The following KCNAB2 variants were observed in gnomAD, a reference collection of about 807,000 sequenced individuals.
KCNAB2 encodes the protein potassium voltage-gated channel subfamily A regulatory beta subunit 2.
A neutral mutation model predicts 63.6 loss-of-function variants in KCNAB2; 29 were observed. The observed-to-expected ratio is 0.46, with a 90% CI of 0.34 to 0.62. KCNAB2 has a LOEUF of 0.62. Ranked by LOEUF, KCNAB2 falls within the 20% of genes least tolerant of loss-of-function variation. The probability of loss-of-function intolerance (pLI) is 0.01; values close to 1 mark genes in which losing one functional copy is unlikely to be tolerated. For missense variants in KCNAB2, 359 were observed against 563.9 expected, an observed-to-expected ratio of 0.64 and a Z score of 3.68; for synonymous variants, 222 against 224.2, an observed-to-expected ratio of 0.99 and a Z score of 0.09.
intron 14 of KCNAB2, 33 bp from the exon 15 acceptor site, chr1:6,097,236 G>A: frequency 6.6e-7 from 1 of 1,515,418 alleles, no homozygotes; most frequent in East Asian, 2.5e-5. Context: ...TGTGGTGGGT[G>A]TTTCTCCCTC....
At chr1:6,098,069 G>C in intron 15 of KCNAB2, 1 of 740,008 alleles carries the variant, frequency 1.4e-6, no homozygotes, top group Non-Finnish European at 1.7e-6. Context: ...TGACAAACTG[G>C]ATGTGGGGGT....
chr1:6,009,890 C>T (rs1183015377), intron 1 of KCNAB2, among the ~76,000 whole-genome samples: 2 of 143,628 alleles, frequency 1.4e-5, no homozygotes, highest in African/African-American at 5.1e-5. Context: ...TTTTTTTTTC[C>T]GACAGGGTCT....
rs1211895868 is a variant in KCNAB2, at chr1:6,096,524, C to T, written c.949-112C>T. Reference sequence around the variant, plus strand: ...GCCCTGGCTTCAAGATGAGAAGAGCCCCTATGAGGGAGAAGGGTCCAGAAG... The same window carrying T: ...GCCCTGGCTTCAAGATGAGAAGAGCTCCTATGAGGGAGAAGGGTCCAGAAG... On this transcript the variant is annotated intron_variant, in intron 13 of 15. Coordinates refer to ENST00000378083, the MANE Select transcript of KCNAB2 (RefSeq NM_001199862.2). The surrounding 1 kb of genome is among the most constrained non-coding windows in gnomAD (Gnocchi z 5.9). 1 of 1,372,452 alleles carries T rather than the reference C, an allele frequency of 7.3e-7. No homozygotes were observed. Among genetic ancestry groups the T allele is most frequent in the Non-Finnish European group, 9.8e-7 (1 of 1,022,864 alleles). The allele number at this position is 1,372,452 out of a possible 1,614,324, so 85.0% of individuals were successfully genotyped here. A position where few individuals can be genotyped will look rare whatever the true frequency, so the allele number is the denominator to read the frequency against.
At position 6,086,377 on chromosome 1, in the gene KCNAB2, T is replaced by A; in HGVS notation, c.426-1090T>A. The A allele has an allele frequency of 5.1e-6, 5 of 985,322 alleles. No individual in the cohort carries two copies. Among genetic ancestry groups the A allele is most frequent in the South Asian group, 9.4e-5 (2 of 21,284 alleles). 61.0% of individuals were successfully genotyped at this position (985,322 alleles called of 1,614,324 possible). A position where few individuals can be genotyped will look rare whatever the true frequency, so the allele number is the denominator to read the frequency against. ...AAATTGCACGTATTAGCAAATCCCC[T>A]GATCACGTCTTTGGCGAATGTGCAT... On this transcript the variant is annotated intron_variant, in intron 6 of 15. Transcript: ENST00000378083. The surrounding 1 kb of genome is among the most constrained non-coding windows in gnomAD (Gnocchi z 4.2).
At chr1:6,029,663 T>G (rs1659452975), upstream of KCNAB2, among the ~76,000 whole-genome samples, 1 of 152,154 alleles carries the variant, frequency 6.6e-6, no homozygotes, top group Non-Finnish European at 1.5e-5. Context: ...CCTCCCTCAT[T>G]ATCATCCCAT....
At chr1:6,092,350 G>A (rs957728310) in intron 10 of KCNAB2, among the ~76,000 whole-genome samples, 3 of 152,226 alleles carry the variant, frequency 2.0e-5, no homozygotes, top group Admixed American at 1.3e-4. Flanking sequence ...GACAGCCAGA[G>A]GCTCCTGCCC....
chr1:6,000,365 G>A (rs371197980), intron 1 of KCNAB2, among the ~76,000 whole-genome samples: 5 of 152,302 alleles, frequency 3.3e-5, no homozygotes, highest in South Asian at 2.1e-4. Context: ...TCCCCGTTCC[G>A]CAGGGACACA....
chr1:6,091,375 T>C, intron 10 of KCNAB2, 68 bp downstream of exon 10: 1 of 1,129,420 alleles, frequency 8.9e-7, no homozygotes, highest in Admixed American at 2.1e-5. Flanking sequence ...ACAGTATTTT[T>C]ATTTACATGA....
At chr1:6,065,137 T>A (rs762741087) in intron 2 of KCNAB2, among the ~76,000 whole-genome samples, 3 of 152,186 alleles carry the variant, frequency 2.0e-5, no homozygotes, top group Non-Finnish European at 4.4e-5. Flanking sequence ...CCCAAGCAGG[T>A]GCCGCTGGGC....
chr1:5,999,075 C>T lies in KCNAB2; in HGVS notation c.-53+6287C>T, dbSNP rs77795590. Among the ~76,000 whole-genome samples, 354 of 152,364 alleles carry T rather than the reference C, an allele frequency of 2.3e-3. 3 individuals are homozygous for T. In the East Asian group the frequency reaches 0.034, roughly 15 times the overall value. The stretch of plus-strand genomic sequence containing the variant: ...CCTCTTTCGTCCGCCCCTTTAGAGA[C>T]GATTTCAACGGCGCATTCTTCCATT... On this transcript the variant is annotated intron_variant, in intron 1 of 16. Coordinates refer to the KCNAB2 transcript ENST00000341524.
intron 4 of KCNAB2, among the ~76,000 whole-genome samples, chr1:6,077,223 G>A: frequency 6.6e-6 from 1 of 152,112 alleles, no homozygotes; most frequent in East Asian, 1.9e-4. Context: ...GAACAGCATG[G>A]GAAAGGCCCG....
exon 2 of KCNAB2, chr1:6,040,631 C>T (rs748273253): frequency 3.7e-5 from 59 of 1,613,482 alleles, no homozygotes; most frequent in Middle Eastern, 1.7e-4. Context: ...CGGGCTCCCC[C>T]GGGATGATCT....
chr1:6,022,702 A>G (rs1314813730), intron 1 of KCNAB2, among the ~76,000 whole-genome samples: 2 of 151,888 alleles, frequency 1.3e-5, no homozygotes, highest in Non-Finnish European at 2.9e-5. Flanking sequence ...TAGGCACGTG[A>G]CTACTCTAGG....
chr1:6,050,370 G>A (rs962132138), intron 1 of KCNAB2, among the ~76,000 whole-genome samples: 1 of 152,216 alleles, frequency 6.6e-6, no homozygotes, highest in Non-Finnish European at 1.5e-5. Context: ...GGTGGGGTGA[G>A]GGTCACTGGA....
At chr1:6,041,339 A>G (rs1385733498), upstream of KCNAB2, 3 of 173,480 alleles carry the variant, frequency 1.7e-5, no homozygotes, top group African/African-American at 7.2e-5. Flanking sequence ...CTTTCCGGAT[A>G]ATCACTGGGG....
intron 1 of KCNAB2, among the ~76,000 whole-genome samples, chr1:6,050,263 C>G (rs1382820696): frequency 6.6e-6 from 1 of 152,214 alleles, no homozygotes; most frequent in Non-Finnish European, 1.5e-5. Flanking sequence ...GCAGCTGACC[C>G]AGCTGAAATG....
chr1:6,083,517 G>A (rs886167942), intron 5 of KCNAB2, among the ~76,000 whole-genome samples: 61 of 152,318 alleles, frequency 4.0e-4, no homozygotes, highest in African/African-American at 1.1e-3. Context: ...GGGCCTCTCG[G>A]AAGCCGCTTG....
Position 6,090,419 on chromosome 1 carries a change from T to C in KCNAB2, c.545T>C (p.Leu182Pro). 1 of 1,613,906 alleles carries C rather than the reference T, an allele frequency of 6.2e-7. No individual in the cohort carries two copies. The highest frequency in any genetic ancestry group is 8.5e-7 in the Non-Finnish European group (1 of 1,179,940). The part of the protein sequence containing the change: ...GLKASLERLQ[L>P]EYVDVVFANR... ...AAAGCTTCCCTGGAGCGACTGCAGC[T>C]GGAGTACGTGGATGTGGTGTTTGCC... Residue 182 changes from leucine (L) to proline (P), a missense_variant, in exon 9 of 16, where the codon CTG becomes CCG. This residue lies in a region of KCNAB2 where 271 missense variants were observed against 476.1 expected (regional missense o/e 0.57). Transcript: ENST00000378083.
At chr1:6,022,033 A>G (rs72470167) in intron 1 of KCNAB2, among the ~76,000 whole-genome samples, 17,594 of 151,934 alleles carry the variant, frequency 0.12, 1,347 homozygotes, top group East Asian at 0.28. Flanking sequence ...GTTCAGTGGT[A>G]TTGAGGGCAC....
Sources: allele counts gnomAD v4.1 joint callset (sites outside exome capture counted in the v4.1 genomes callset), GRCh38; gene constraint gnomAD v4.1.1; regional missense constraint gnomAD v4.1.1; non-coding constraint Gnocchi (gnomAD v3.1); transcripts MANE v1.5; gene names NCBI Gene and HGNC (gene_info 2026-07-23, HGNC 2026-07-21).